SLC3A2: variants seen among roughly 807,000 people sequenced by gnomAD.
SLC3A2 encodes the protein solute carrier family 3 member 2, also known as amino acid transporter heavy chain SLC3A2.
In SLC3A2, 32 loss-of-function variants were observed where a neutral mutation model predicts 48.5. The ratio of observed to expected loss-of-function variants is 0.66; its 90% CI spans 0.50 to 0.89. The LOEUF is 0.89. Ranked by LOEUF, SLC3A2 falls within the 40% of genes least tolerant of loss-of-function variation. SLC3A2 has a pLI of 0.00. For missense variants in SLC3A2, 587 were observed against 680.7 expected, an observed-to-expected ratio of 0.86 and a Z score of 1.53; for synonymous variants, 277 against 288.8, an observed-to-expected ratio of 0.96 and a Z score of 0.41.
At chr11:62,856,473 C>A in intron 1 of SLC3A2, 1 of 1,147,958 alleles carries the variant, frequency 8.7e-7, no homozygotes, top group Non-Finnish European at 1.2e-6. Context: ...TCACTGAAGA[C>A]AGGATCTGAT....
At chr11:62,874,772 C>CTTTTCTTTTTTT (rs1171433265) in intron 1 of SLC3A2, among the ~76,000 whole-genome samples, 18 of 142,904 alleles carry the variant, frequency 1.3e-4, no homozygotes, top group Middle Eastern at 3.6e-3. Context: ...TTTTCTTTTT[C>CTTTTCTTTTTTT]TTTTTTTTTT....
intron 1 of SLC3A2, among the ~76,000 whole-genome samples, chr11:62,865,329 G>C (rs371020972): frequency 2.0e-5 from 3 of 152,228 alleles, no homozygotes; most frequent in East Asian, 3.9e-4. Context: ...AAGGCAGTCA[G>C]ATCACTTGAG....
chr11:62,864,384 G>A (rs572416298), intron 1 of SLC3A2, among the ~76,000 whole-genome samples: 1 of 152,012 alleles, frequency 6.6e-6, no homozygotes, highest in East Asian at 1.9e-4. Flanking sequence ...CACCTTCCGA[G>A]TTCAAGCAAT....
At chr11:62,885,772 C>A (rs1195443569) in intron 7 of SLC3A2, among the ~76,000 whole-genome samples, 164 bp downstream of exon 7, 3 of 152,164 alleles carry the variant, frequency 2.0e-5, no homozygotes, top group Non-Finnish European at 4.4e-5. Flanking sequence ...TTTTACCTTT[C>A]TGAATTTTGG....
chr11:62,884,055 T>C, intron 3 of SLC3A2: 2 of 461,268 alleles, frequency 4.3e-6, no homozygotes, highest in South Asian at 1.5e-5. Flanking sequence ...GCTCACTGAT[T>C]ATGACTGTGG....
intron 1 of SLC3A2, among the ~76,000 whole-genome samples, chr11:62,866,349 C>T (rs545460859): frequency 2.0e-5 from 3 of 151,794 alleles, no homozygotes; most frequent in East Asian, 1.9e-4. Flanking sequence ...AACTCCTGAC[C>T]TCAGGTGATC....
chr11:62,883,749 G>T, intron 3 of SLC3A2: 1 of 284,416 alleles, frequency 3.5e-6, no homozygotes, highest in Non-Finnish European at 7.1e-6. Context: ...TGGATGGTTT[G>T]GCATGAGGGG....
intron 1 of SLC3A2, among the ~76,000 whole-genome samples, chr11:62,868,765 G>C (rs190809744): frequency 4.1e-3 from 623 of 152,150 alleles, no homozygotes; most frequent in Non-Finnish European, 7.6e-3. Context: ...CTAATCACTT[G>C]GTTTAGTCAG....
chr11:62,874,007 G>T (rs1289636768), intron 1 of SLC3A2, among the ~76,000 whole-genome samples: 16 of 64,104 alleles, frequency 2.5e-4, no homozygotes, highest in African/African-American at 8.9e-4. Flanking sequence ...TTTTTTTTTT[G>T]GAGAAAGAGT....
At chr11:62,880,397 C>T (rs2085617007), upstream of SLC3A2, 1 of 152,400 alleles carries the variant, frequency 6.6e-6, no homozygotes, top group Non-Finnish European at 1.5e-5. Context: ...AGAGGTCTAG[C>T]GCCAAGTCCC....
chr11:62,885,026 T>G, intron 5 of SLC3A2, 151 bp from the exon 6 acceptor site: 1 of 780,778 alleles, frequency 1.3e-6, no homozygotes, highest in Non-Finnish European at 2.0e-6. Context: ...AGACGGGGTT[T>G]CTCCATGTTG....
intron 1 of SLC3A2, chr11:62,871,552 ATATTAT>A (rs749056637): frequency 2.1e-5 from 13 of 621,614 alleles, no homozygotes; most frequent in East Asian, 1.3e-4. Flanking sequence ...ACTTTATATA[ATATTAT>A]TATTATTATT....
At chr11:62,859,436 C>T (rs1174054203) in intron 1 of SLC3A2, among the ~76,000 whole-genome samples, 2 of 152,204 alleles carry the variant, frequency 1.3e-5, no homozygotes, top group Non-Finnish European at 2.9e-5. Context: ...TCTTTCTACA[C>T]AGACACAGTA....
chr11:62,880,841 C>A, upstream of SLC3A2: 1 of 1,323,038 alleles, frequency 7.6e-7, no homozygotes, highest in Non-Finnish European at 1.0e-6. Context: ...CCTTAAGGGG[C>A]GGGCCGGGGC....
At chr11:62,856,334 C>T (rs773576469) in exon 1 of SLC3A2, 5 of 1,613,346 alleles carry the variant, frequency 3.1e-6, no homozygotes, top group Middle Eastern at 1.6e-4. Context: ...TTGCCTGGCT[C>T]ACATTCGGAG....
At chr11:62,867,573 C>T (rs1045471464) in intron 1 of SLC3A2, among the ~76,000 whole-genome samples, 2 of 151,882 alleles carry the variant, frequency 1.3e-5, no homozygotes, top group African/African-American at 4.8e-5. Context: ...ATCTGCCTAT[C>T]TCTGCCTCCC....
chr11:62,857,275 T>C (rs1386445185), intron 1 of SLC3A2, among the ~76,000 whole-genome samples: 1 of 152,144 alleles, frequency 6.6e-6, no homozygotes, highest in Non-Finnish European at 1.5e-5. Context: ...GCTCCCGCCA[T>C]CATCATGCCA....
upstream of SLC3A2, chr11:62,880,470 A>C (rs2085617969): frequency 6.5e-6 from 1 of 152,676 alleles, no homozygotes; most frequent in Non-Finnish European, 1.5e-5. Flanking sequence ...GCTGCCTCTG[A>C]GAGTGCAAGT....
chr11:62,865,584 GT>G (rs1265936834), intron 1 of SLC3A2, among the ~76,000 whole-genome samples: 202 of 125,560 alleles, frequency 1.6e-3, no homozygotes, highest in African/African-American at 5.2e-3. Flanking sequence ...AAAAAAAAAA[GT>G]TGGCTTAGAT....
Sources: allele counts gnomAD v4.1 joint callset (sites outside exome capture counted in the v4.1 genomes callset), GRCh38; gene constraint gnomAD v4.1.1; transcripts MANE v1.5; gene names NCBI Gene and HGNC (gene_info 2026-07-23, HGNC 2026-07-21).